Variants in TNFRSF19 observed in about 807,000 individuals in gnomAD.
The protein encoded by TNFRSF19 is TNF receptor superfamily member 19, also known as tumor necrosis factor receptor superfamily member 19.
TNFRSF19 carries 27 observed loss-of-function variants against 46.4 expected under a neutral mutation model. The ratio of observed to expected loss-of-function variants is 0.58; its 90% CI spans 0.43 to 0.80. The LOEUF (loss-of-function observed/expected upper bound fraction) is 0.80. TNFRSF19 is among the 30% of genes least tolerant of loss of function. The pLI is 0.00. For synonymous variants in TNFRSF19, 204 were observed against 205.0 expected (o/e 1.00, Z 0.04); for missense variants, 511 against 530.8 (o/e 0.96, Z 0.37).
intron 3 of TNFRSF19, 146 bp downstream of exon 3, chr13:23,593,601 C>A: frequency 1.6e-6 from 1 of 637,538 alleles, no homozygotes; most frequent in Non-Finnish European, 2.7e-6. Flanking sequence ...AAATATCATA[C>A]AATTCCTTTT....
At chr13:23,616,989 G>A (rs1236394263) in intron 4 of TNFRSF19, among the ~76,000 whole-genome samples, 1 of 152,202 alleles carries the variant, frequency 6.6e-6, no homozygotes, top group Non-Finnish European at 1.5e-5. Flanking sequence ...AGACAAGGGC[G>A]ATTGGGCATG....
At chr13:23,585,904 A>T (rs567599906) in intron 1 of TNFRSF19, among the ~76,000 whole-genome samples, 3 of 152,284 alleles carry the variant, frequency 2.0e-5, no homozygotes, top group Non-Finnish European at 4.4e-5. Context: ...CAGATTGTCT[A>T]ATTTTTCGAG....
chr13:23,658,985 G>A, intron 5 of TNFRSF19, 65 bp from the exon 6 acceptor site: 1 of 1,605,338 alleles, frequency 6.2e-7, no homozygotes, highest in Non-Finnish European at 8.5e-7. Flanking sequence ...GTGCCTGCCA[G>A]CTTCGCCATA....
chr13:23,573,311 C>T (rs545659652), intron 1 of TNFRSF19, among the ~76,000 whole-genome samples: 85 of 152,214 alleles, frequency 5.6e-4, no homozygotes, highest in Admixed American at 2.1e-3. Flanking sequence ...TGTCAGTCAG[C>T]TGGATTCGTC....
At chr13:23,574,569 C>T (rs1003914923) in intron 1 of TNFRSF19, among the ~76,000 whole-genome samples, 3 of 152,086 alleles carry the variant, frequency 2.0e-5, no homozygotes, top group African/African-American at 4.8e-5. Context: ...AAGGCATAAT[C>T]TGTTCTCCCT....
In TNFRSF19 at chr13:23,659,500, G is replaced by A. The variant is rs1036346620; in HGVS notation, c.610+286G>A. Among the ~76,000 whole-genome samples, 1 of 152,094 alleles carries A rather than the reference G, an allele frequency of 6.6e-6. No homozygotes were observed. ...GGTTAATACATCTTGTTTATTATATGTTTCTTTGTTTTTTTGTTTTTTTGG... is the reference window on the plus strand; with the variant it reads ...GGTTAATACATCTTGTTTATTATATATTTCTTTGTTTTTTTGTTTTTTTGG... On this transcript the variant is annotated intron_variant, in intron 6 of 9. Coordinates refer to ENST00000248484, the MANE Select transcript of TNFRSF19 (RefSeq NM_148957.4). The surrounding 1 kb of genome is among the most constrained non-coding windows in gnomAD (Gnocchi z 4.9).
At chr13:23,610,567 C>T (rs2138239016) in intron 3 of TNFRSF19, among the ~76,000 whole-genome samples, 1 of 152,022 alleles carries the variant, frequency 6.6e-6, no homozygotes, top group Non-Finnish European at 1.5e-5. Context: ...GGCCTCACCA[C>T]ATGGGAGCCC....
chr13:23,625,817 C>T (rs1881962928), intron 4 of TNFRSF19, among the ~76,000 whole-genome samples: 1 of 152,146 alleles, frequency 6.6e-6, no homozygotes, highest in Non-Finnish European at 1.5e-5. Flanking sequence ...GGCCTACACT[C>T]ACACCAGCAC....
chr13:23,572,968 C>T (rs1220122411), intron 1 of TNFRSF19, among the ~76,000 whole-genome samples: 1 of 152,192 alleles, frequency 6.6e-6, no homozygotes, highest in Admixed American at 6.5e-5. Flanking sequence ...CACCAATTAG[C>T]TATATGACCT....
rs189124070 is a variant in TNFRSF19, at chr13:23,622,605, A to T, written c.360-4102A>T. Among the ~76,000 whole-genome samples the T allele has an allele frequency of 1.6e-3, 245 of 152,304 alleles. 1 individual carries two copies. The highest frequency in any genetic ancestry group is 2.4e-3 in the Admixed American group (37 of 15,302). On this transcript the variant is annotated intron_variant, in intron 4 of 9. Transcript: ENST00000248484. ...GTCACAATTAGAATTCTTTATTTTT[A>T]AAATGTTAAGTAGTGTCTATGCTTG...
chr13:23,668,709 G>C lies in TNFRSF19; in HGVS notation c.857G>C (p.Gly286Ala), dbSNP rs115141233. The C allele has an allele frequency of 1.7e-5, 28 of 1,613,598 alleles. No homozygotes were observed. In the African/African-American group the frequency reaches 2.4e-4, roughly 14 times the overall value. The change falls in exon 9 of 10, where the codon GGG (glycine) becomes GCG (alanine). Residue 286 changes from glycine (G) to alanine (A), a missense_variant. Gly to Ala is a moderately conservative substitution (Grantham distance 60). Around this residue, in one of 3 missense-constraint regions of TNFRSF19, gnomAD observed 376 missense variants for 372.7 expected, o/e 1.01. Transcript: ENST00000248484. ...GTGTGCAGAAACGCAGGCCCAGCCG[G>C]GGAGATGGTGCCGACTTTCTTCGGA... ...SLQARNAGPA[G>A]EMVPTFFGSL...
chr13:23,570,928 G>A (rs1877598024), intron 1 of TNFRSF19, 80 bp downstream of exon 1: 1 of 152,220 alleles, frequency 6.6e-6, no homozygotes, highest in African/African-American at 2.4e-5. Flanking sequence ...TTTTTCGCAT[G>A]TGTTCTGAGA....
rs1463179929 is a variant in TNFRSF19 at position 23,570,711 on chromosome 13, G to C, written c.-172G>C. The C allele has an allele frequency of 6.6e-6, 1 of 152,138 alleles. No homozygotes were observed. Among genetic ancestry groups the C allele is most frequent in the African/African-American group, 2.4e-5 (1 of 41,418 alleles). The allele number at this position is 152,138 out of a possible 1,614,324, so 9.4% of individuals were successfully genotyped here. ...TTACAGGCATTTCATCTCCCTGCTCGTCTGCCTTTGATCTGCATGGTTAAT... is the reference window on the plus strand; with the variant it reads ...TTACAGGCATTTCATCTCCCTGCTCCTCTGCCTTTGATCTGCATGGTTAAT... On this transcript the variant is annotated 5_prime_UTR_variant, in exon 1 of 10. Coordinates refer to ENST00000248484, the MANE Select transcript of TNFRSF19 (RefSeq NM_148957.4).
rs565750993 is a variant in TNFRSF19, at chr13:23,627,481, G to A, written c.445+689G>A. On this transcript the variant is annotated intron_variant, in intron 5 of 9. Coordinates refer to ENST00000248484, the MANE Select transcript of TNFRSF19 (RefSeq NM_148957.4). ...ATCAATTTTGAATAGGAAGAAGAGT[G>A]GCCTCTCACTCTTTTTAATCCTAAG... Among the ~76,000 whole-genome samples, 65 of 152,280 alleles carry A rather than the reference G, an allele frequency of 4.3e-4. No individual in the cohort carries two copies. The South Asian group carries it at 7.3e-3, about 17-fold the overall frequency.
Position 23,584,933 on chromosome 13 carries a change from G to C in TNFRSF19, c.-34-5217G>C, listed in dbSNP as rs1324322230. Among the ~76,000 whole-genome samples the C allele has an allele frequency of 2.6e-5, 4 of 152,270 alleles. No homozygotes were observed. In the South Asian group the frequency reaches 8.3e-4, roughly 32 times the overall value. On this transcript the variant is annotated intron_variant, in intron 1 of 9. Transcript: ENST00000248484. ...GATACAGAATAGCTAGAAGCCGGGG[G>C]TTATTGTTTTGTTTGGAAATAGCAT... is the stretch of plus-strand genomic sequence containing the variant.
At chr13:23,608,396 T>C (rs1880660529) in intron 3 of TNFRSF19, among the ~76,000 whole-genome samples, 1 of 152,244 alleles carries the variant, frequency 6.6e-6, no homozygotes, top group Non-Finnish European at 1.5e-5. Context: ...TATTAAATAA[T>C]GGAATCCTTA....
intron 1 of TNFRSF19, among the ~76,000 whole-genome samples, chr13:23,582,238 A>G (rs1472897470): frequency 4.2e-5 from 3 of 71,868 alleles, no homozygotes; most frequent in Non-Finnish European, 9.2e-5. Flanking sequence ...AAAAAAAAAA[A>G]AAAAAAAAAA....
intron 1 of TNFRSF19, among the ~76,000 whole-genome samples, chr13:23,580,644 A>C (rs572698207): frequency 6.6e-6 from 1 of 152,358 alleles, no homozygotes; most frequent in East Asian, 1.9e-4. Flanking sequence ...TATCTAATTG[A>C]AAGGTATAGA....
At position 23,615,985 on chromosome 13, in the gene TNFRSF19, G is replaced by A. The variant is rs1566187111; in HGVS notation, c.299G>A (p.Arg100His). Residue 100 changes from arginine to histidine, a missense_variant, in exon 4 of 10, where the codon CGC becomes CAC. Physicochemically the swap from Arg to His is conservative, Grantham distance 29. Around this residue, in one of 3 missense-constraint regions of TNFRSF19, gnomAD observed 121 missense variants for 124.1 expected, o/e 0.98. Coordinates refer to ENST00000248484, the MANE Select transcript of TNFRSF19 (RefSeq NM_148957.4). ...TGTCTGGACTGCGCAGTGGTGAACC[G>A]CTTTCAGAAGGCAAATTGTTCAGCC... Reference protein sequence around the residue: ...KPCLDCAVVNRFQKANCSATS... With the variant: ...KPCLDCAVVNHFQKANCSATS... The A allele has an allele frequency of 1.1e-5, 18 of 1,613,200 alleles. No individual in the cohort carries two copies. The highest frequency in any genetic ancestry group is 1.4e-5 in the Non-Finnish European group (17 of 1,179,390).
Sources: allele counts gnomAD v4.1 joint callset (sites outside exome capture counted in the v4.1 genomes callset), GRCh38; gene constraint gnomAD v4.1.1; regional missense constraint gnomAD v4.1.1; non-coding constraint Gnocchi (gnomAD v3.1); transcripts MANE v1.5; gene names NCBI Gene and HGNC (gene_info 2026-07-23, HGNC 2026-07-21).